The following OR6N1 variants were observed in gnomAD, a reference collection of about 807,000 sequenced individuals.
The protein encoded by OR6N1 is olfactory receptor 6N1.
For missense variants in OR6N1, 394 were observed against 371.7 expected (o/e 1.06, Z -0.49); for synonymous variants, 170 against 150.7 (o/e 1.13, Z -0.94).
the OR6N1 span, among the ~76,000 whole-genome samples, chr1:158,812,160 T>C: frequency 6.6e-6 from 1 of 152,240 alleles, no homozygotes; most frequent in African/African-American, 2.4e-5. Context: ...ACTTCCCCTG[T>C]GCTTTGTAGT....
At chr1:158,778,027 C>T in the OR6N1 span, among the ~76,000 whole-genome samples, 2 of 152,216 alleles carry the variant, frequency 1.3e-5, no homozygotes, top group Non-Finnish European at 2.9e-5. Flanking sequence ...TAGCTCTATA[C>T]TATATGACTG....
chr1:158,820,003 T>C, the OR6N1 span, among the ~76,000 whole-genome samples: 1 of 152,164 alleles, frequency 6.6e-6, no homozygotes, highest in South Asian at 2.1e-4. Flanking sequence ...TGAACAGAGA[T>C]TTACCCACAT....
chr1:158,786,034 G>A, the OR6N1 span, among the ~76,000 whole-genome samples: 1 of 152,032 alleles, frequency 6.6e-6, no homozygotes. Flanking sequence ...AAAAGGTTCT[G>A]CACAGCAATA....
At chr1:158,816,275 C>T in the OR6N1 span, among the ~76,000 whole-genome samples, 1 of 152,146 alleles carries the variant, frequency 6.6e-6, no homozygotes, top group Non-Finnish European at 1.5e-5. Context: ...TATTCATGAG[C>T]ACCTCTTAAG....
the OR6N1 span, among the ~76,000 whole-genome samples, chr1:158,816,469 A>T: frequency 6.6e-6 from 1 of 152,184 alleles, no homozygotes; most frequent in African/African-American, 2.4e-5. Context: ...AGGCAGGCAG[A>T]TGCTTAAGTC....
At chr1:158,786,999 T>A in the OR6N1 span, among the ~76,000 whole-genome samples, 1 of 152,176 alleles carries the variant, frequency 6.6e-6, no homozygotes, top group South Asian at 2.1e-4. Flanking sequence ...GATTTTTTTT[T>A]ATCTCATGTT....
At chr1:158,779,138 G>C in the OR6N1 span, among the ~76,000 whole-genome samples, 1 of 151,930 alleles carries the variant, frequency 6.6e-6, no homozygotes, top group Non-Finnish European at 1.5e-5. Context: ...TAGCTGGCTT[G>C]GTGAAATTTC....
rs994016255 is a variant in OR6N1 at position 158,766,053 on chromosome 1, G to A, written c.630C>T (p.Thr210=). ...FVINSCKILA[T]FLLILCSYVQ... The stretch of plus-strand genomic sequence containing the variant: ...CATAGGAGCAGAGGATCAGCAGGAA[G>A]GTGGCTAGGATCTTGCAGGAATTTA... The change falls in exon 2 of 2, where the codon ACC becomes ACT. Residue 210 remains threonine (T), a synonymous_variant. Coordinates refer to ENST00000641846, the MANE Select transcript of OR6N1 (RefSeq NM_001005185.2). 2.5e-6 allele frequency: 4 copies of A among 1,614,206 alleles called. No homozygotes were observed. Among genetic ancestry groups the A allele is most frequent in the Admixed American group, 3.3e-5 (2 of 60,020 alleles).
At chr1:158,836,339 T>C in the OR6N1 span, among the ~76,000 whole-genome samples, 2 of 152,008 alleles carry the variant, frequency 1.3e-5, no homozygotes, top group Non-Finnish European at 2.9e-5. Context: ...AATTTACCAG[T>C]AAAACCACTT....
the OR6N1 span, among the ~76,000 whole-genome samples, chr1:158,799,286 A>G: frequency 6.6e-6 from 1 of 152,312 alleles, no homozygotes; most frequent in Middle Eastern, 3.4e-3. Flanking sequence ...CCCATAAAAT[A>G]TTGGCATTAC....
chr1:158,819,303 G>A, the OR6N1 span, among the ~76,000 whole-genome samples: 27 of 152,098 alleles, frequency 1.8e-4, no homozygotes, highest in Non-Finnish European at 3.8e-4. Context: ...TGATTAGGAG[G>A]CTTTGCCTGA....
At chr1:158,800,851 C>G in the OR6N1 span, among the ~76,000 whole-genome samples, 1 of 152,162 alleles carries the variant, frequency 6.6e-6, no homozygotes, top group Admixed American at 6.5e-5. Context: ...CTTCAATAAG[C>G]TATGGCTATG....
At chr1:158,824,535 T>C in the OR6N1 span, among the ~76,000 whole-genome samples, 6 of 152,168 alleles carry the variant, frequency 3.9e-5, no homozygotes, top group African/African-American at 9.7e-5. Flanking sequence ...AAGAACTCTG[T>C]TGTTTTTGGG....
At chr1:158,769,640 A>G (rs1657366293) in intron 1 of OR6N1, among the ~76,000 whole-genome samples, 1 of 152,140 alleles carries the variant, frequency 6.6e-6, no homozygotes, top group African/African-American at 2.4e-5. Flanking sequence ...CCTCTCCAGG[A>G]TCCTGAAATT....
chr1:158,780,255 C>T, the OR6N1 span, among the ~76,000 whole-genome samples: 1 of 152,088 alleles, frequency 6.6e-6, no homozygotes, highest in African/African-American at 2.4e-5. Flanking sequence ...GTAATGTTTC[C>T]CCTTTATACA....
chr1:158,839,205 T>C, the OR6N1 span, among the ~76,000 whole-genome samples: 5 of 152,192 alleles, frequency 3.3e-5, no homozygotes, highest in Non-Finnish European at 5.9e-5. Flanking sequence ...CATTGTTAAC[T>C]GGCACCATAT....
the OR6N1 span, among the ~76,000 whole-genome samples, chr1:158,785,191 C>T: frequency 6.6e-6 from 1 of 152,134 alleles, no homozygotes; most frequent in Non-Finnish European, 1.5e-5. Flanking sequence ...TTTATGGACA[C>T]AGTACTTGCT....
At chr1:158,796,651 G>A in the OR6N1 span, among the ~76,000 whole-genome samples, 1 of 151,668 alleles carries the variant, frequency 6.6e-6, no homozygotes, top group Non-Finnish European at 1.5e-5. Context: ...GAATATCTTT[G>A]AGTTTTATTA....
At position 158,766,058 on chromosome 1, in the gene OR6N1, C is replaced by T; in HGVS notation, c.625G>A (p.Ala209Thr). Reference protein sequence around the residue: ...DFVINSCKILATFLLILCSYV... With the variant: ...DFVINSCKILTTFLLILCSYV... ...GAGCAGAGGATCAGCAGGAAGGTGG[C>T]TAGGATCTTGCAGGAATTTATAACA... The change falls in exon 2 of 2, where the codon GCC becomes ACC. Residue 209 changes from alanine (A) to threonine (T), a missense_variant. Physicochemically the swap from Ala to Thr is moderately conservative, Grantham distance 58. Coordinates refer to ENST00000641846, the MANE Select transcript of OR6N1 (RefSeq NM_001005185.2). 6.2e-7 allele frequency: 1 copy of T among 1,614,146 alleles called. No homozygotes were observed. The highest frequency in any genetic ancestry group is 8.5e-7 in the Non-Finnish European group (1 of 1,180,024).
Sources: gnomAD v4.1 joint callset for allele counts (sites outside exome capture counted in the v4.1 genomes callset) on GRCh38, gnomAD v4.1.1 for gene constraint, MANE v1.5 for transcripts, NCBI Gene and HGNC (gene_info 2026-07-23, HGNC 2026-07-21) for gene names.